The following DCC variants were observed in gnomAD, a reference collection of about 807,000 sequenced individuals.
DCC encodes the protein netrin receptor DCC.
A neutral mutation model predicts 172.5 loss-of-function variants in DCC; 58 were observed. The ratio of observed to expected loss-of-function variants is 0.34; its 90% confidence interval spans 0.27 to 0.42. The LOEUF (loss-of-function observed/expected upper bound fraction) is 0.42, where lower values mean the gene tolerates loss of function less well. Among genes scored for constraint, DCC ranks in the 10% least tolerant of loss-of-function variants. The probability of loss-of-function intolerance (pLI) is 1.00; values close to 1 mark genes in which losing one functional copy is unlikely to be tolerated. For missense variants in DCC, 1,740 were observed against 1,791.0 expected, an observed-to-expected ratio of 0.97 and a Z score of 0.51; for synonymous variants, 709 against 644.5, an observed-to-expected ratio of 1.10 and a Z score of -1.52.
chr18:52,850,951 A>C (rs1040698334), intron 2 of DCC, among the ~76,000 whole-genome samples: 16 of 152,078 alleles, frequency 1.1e-4, no homozygotes, highest in Non-Finnish European at 1.8e-4. Flanking sequence ...TAATAAAGTC[A>C]GTGTTTTACA....
At position 53,504,956 on chromosome 18, in the gene DCC, A is replaced by G. The variant is rs144575599; in HGVS notation, c.4111+5446A>G. 4.2e-3 allele frequency among the ~76,000 whole-genome samples: 635 copies of G among 152,218 alleles called. 2 individuals carry two copies. The highest frequency in any genetic ancestry group is 0.014 in the African/African-American group (598 of 41,538). ...TTTTTTTAACTAACTTTGAAGATAG[A>G]TAGATACAGGATTTTACCTAGCTTT... is the stretch of plus-strand genomic sequence containing the variant. On this transcript the variant is annotated intron_variant, in intron 27 of 28. Coordinates refer to ENST00000442544, the MANE Select transcript of DCC (RefSeq NM_005215.4).
intron 1 of DCC, among the ~76,000 whole-genome samples, chr18:52,688,616 A>C (rs2035879983): frequency 6.6e-6 from 1 of 152,068 alleles, no homozygotes; most frequent in Non-Finnish European, 1.5e-5. Flanking sequence ...ATTAATGCTA[A>C]ATGAGTAGGT....
chr18:53,344,260 C>T (rs770314604), intron 15 of DCC, among the ~76,000 whole-genome samples: 6 of 151,852 alleles, frequency 4.0e-5, no homozygotes, highest in African/African-American at 9.7e-5. Flanking sequence ...ATTTTACTTG[C>T]ATTCCACAAA....
intron 1 of DCC, among the ~76,000 whole-genome samples, chr18:52,373,734 C>T (rs1985222783): frequency 6.6e-6 from 1 of 151,950 alleles, no homozygotes; most frequent in Admixed American, 6.6e-5. Flanking sequence ...TCAGTCAATG[C>T]CCTCCTTCCA....
At chr18:52,777,313 C>T (rs937855240) in intron 2 of DCC, among the ~76,000 whole-genome samples, 3 of 52,770 alleles carry the variant, frequency 5.7e-5, no homozygotes, top group African/African-American at 1.5e-4. Context: ...GCCCTGAAGG[C>T]CATGAGAACT....
chr18:52,785,661 G>A (rs1480197686), intron 2 of DCC, among the ~76,000 whole-genome samples: 2 of 152,104 alleles, frequency 1.3e-5, no homozygotes, highest in African/African-American at 4.8e-5. Flanking sequence ...CTAATGGGTT[G>A]TGATACTGGT....
At chr18:52,630,076 C>A (rs1365312425) in intron 1 of DCC, among the ~76,000 whole-genome samples, 1 of 151,830 alleles carries the variant, frequency 6.6e-6, no homozygotes, top group Non-Finnish European at 1.5e-5. Context: ...CATGCCACTG[C>A]ACTCCAGCCT....
chr18:52,912,614 G>A (rs1401380499), intron 3 of DCC, among the ~76,000 whole-genome samples: 1 of 151,922 alleles, frequency 6.6e-6, no homozygotes, highest in Admixed American at 6.6e-5. Context: ...TTCCTTTGCT[G>A]TATGATATGG....
intron 5 of DCC, among the ~76,000 whole-genome samples, chr18:53,047,156 T>C (rs1456352370): frequency 6.9e-6 from 1 of 144,942 alleles, no homozygotes; most frequent in Non-Finnish European, 1.5e-5. Context: ...ACTCATGTGC[T>C]GTTTACACAA....
In DCC at chr18:52,895,517, C is replaced by T. The variant is rs1315129327; in HGVS notation, c.413-10527C>T. ...GTATTAGAAACATTAGGAAAGTTTC[C>T]TTTTGTATTTTTAAAGATATGCTTG... On this transcript the variant is annotated intron_variant, in intron 2 of 28. Transcript: ENST00000442544. Among the ~76,000 whole-genome samples, 5 of 151,766 alleles carry T rather than the reference C, an allele frequency of 3.3e-5. No individual in the cohort carries two copies. In the East Asian group the frequency reaches 9.7e-4, roughly 29 times the overall value.
chr18:52,627,716 T>A (rs1281529311), intron 1 of DCC, among the ~76,000 whole-genome samples: 19 of 152,222 alleles, frequency 1.2e-4, no homozygotes, highest in Admixed American at 1.2e-3. Context: ...AACTCTCGCT[T>A]TGGAGTGAAC....
intron 12 of DCC, among the ~76,000 whole-genome samples, chr18:53,293,019 A>C (rs1314300157): frequency 6.6e-6 from 1 of 152,204 alleles, no homozygotes; most frequent in Non-Finnish European, 1.5e-5. Context: ...GGAAAACTAA[A>C]ATAAGAGCAA....
Position 52,340,549 on chromosome 18 carries a change from A to C in DCC, c.-239A>C. On this transcript the variant is annotated 5_prime_UTR_variant, in exon 1 of 29. Coordinates refer to ENST00000442544, the MANE Select transcript of DCC (RefSeq NM_005215.4). ...CCGGGGCTCGGGATCTCTTGGACCGAATGGAACTTTTTGCTGCCTGCTTTT... is the reference window on the plus strand; with the variant it reads ...CCGGGGCTCGGGATCTCTTGGACCGCATGGAACTTTTTGCTGCCTGCTTTT... 3.3e-6 allele frequency: 2 copies of C among 602,372 alleles called. No individual in the cohort carries two copies. Among genetic ancestry groups the C allele is most frequent in the Non-Finnish European group, 6.0e-6 (2 of 335,834 alleles). The allele number at this position is 602,372 out of a possible 1,614,324, so 37.3% of individuals were successfully genotyped here. A position where few individuals can be genotyped will look rare whatever the true frequency, so the allele number is the denominator to read the frequency against.
intron 5 of DCC, among the ~76,000 whole-genome samples, chr18:53,016,932 A>G (rs56796226): frequency 0.33 from 49,986 of 152,072 alleles, 9,280 homozygotes; most frequent in Non-Finnish European, 0.43. Flanking sequence ...AGATAGAAGT[A>G]GCTAGTTATC....
chr18:52,557,062 A>C, intron 1 of DCC, among the ~76,000 whole-genome samples: 1 of 152,196 alleles, frequency 6.6e-6, no homozygotes, highest in East Asian at 1.9e-4. Flanking sequence ...CAAACTTTAA[A>C]ATCACTAGCT....
intron 2 of DCC, among the ~76,000 whole-genome samples, chr18:52,862,829 C>T (rs1449010554): frequency 2.6e-5 from 4 of 152,086 alleles, no homozygotes. Context: ...TCAACGGAAT[C>T]TTTCCCTTGA....
At chr18:53,031,011 C>T (rs557275531) in intron 5 of DCC, among the ~76,000 whole-genome samples, 88 of 152,224 alleles carry the variant, frequency 5.8e-4, no homozygotes, top group Middle Eastern at 3.4e-3. Context: ...ATAATCCCAG[C>T]GCTTTGAGAG....
chr18:52,803,542 T>C (rs1330190703), intron 2 of DCC, among the ~76,000 whole-genome samples: 1 of 152,226 alleles, frequency 6.6e-6, no homozygotes, highest in East Asian at 1.9e-4. Context: ...TAGTAAATGA[T>C]AAAATAGACT....
intron 5 of DCC, among the ~76,000 whole-genome samples, chr18:53,029,559 C>T (rs1242672675): frequency 2.0e-5 from 3 of 152,160 alleles, no homozygotes; most frequent in Non-Finnish European, 4.4e-5. Flanking sequence ...TTATCTACTT[C>T]TATATTCCAG....
Sources: gnomAD v4.1 joint callset for allele counts (sites outside exome capture counted in the v4.1 genomes callset) on GRCh38, gnomAD v4.1.1 for gene constraint, MANE v1.5 for transcripts, NCBI Gene and HGNC (gene_info 2026-07-23, HGNC 2026-07-21) for gene names.